FRMD6: variants seen among roughly 807,000 people sequenced by gnomAD.
FRMD6 encodes FERM domain-containing protein 6.
In FRMD6, 37 loss-of-function variants were observed where a neutral mutation model predicts 73.2. That is an observed-to-expected ratio of 0.51 (90% CI 0.39 to 0.66). The LOEUF (loss-of-function observed/expected upper bound fraction) is 0.66, where lower values mean the gene tolerates loss of function less well. FRMD6 is among the 30% of genes least tolerant of loss of function. FRMD6 has a pLI of 0.00. For synonymous variants in FRMD6, 273 were observed against 282.2 expected (o/e 0.97, Z 0.33); for missense variants, 714 against 780.5 (o/e 0.91, Z 1.02).
At chr14:51,409,442 T>C in the FRMD6 span, among the ~76,000 whole-genome samples, 22 of 151,624 alleles carry the variant, frequency 1.5e-4, no homozygotes, top group Non-Finnish European at 7.4e-5. Flanking sequence ...TCAGGATTTT[T>C]AGTTGTTTCC....
At chr14:51,478,061 A>G in the FRMD6 span, among the ~76,000 whole-genome samples, 1 of 152,160 alleles carries the variant, frequency 6.6e-6, no homozygotes, top group East Asian at 1.9e-4. Context: ...AGCATGTTAT[A>G]TGACATGTTA....
At chr14:51,700,080 T>G (rs1436491875) in intron 3 of FRMD6, among the ~76,000 whole-genome samples, 1 of 151,888 alleles carries the variant, frequency 6.6e-6, no homozygotes, top group Non-Finnish European at 1.5e-5. Flanking sequence ...CAGCTTGGAG[T>G]CAAAGTGTAG....
chr14:51,715,991 G>C (rs1157587424), intron 10 of FRMD6, among the ~76,000 whole-genome samples: 2 of 152,184 alleles, frequency 1.3e-5, no homozygotes, highest in East Asian at 3.9e-4. Flanking sequence ...TGACGGCTGG[G>C]AGGCCCCCAA....
At position 51,698,148 on chromosome 14, in the gene FRMD6, A is replaced by G; in HGVS notation, c.106A>G (p.Ile36Val). Reference protein sequence around the residue: ...ESLNIIINVKILCHQLLVQVC... With the variant: ...ESLNIIINVKVLCHQLLVQVC... ...GTGCCTTTTTCCCCTACAGGTTAAGATTCTGTGTCACCAGTTGCTGGTCCA... is the reference window on the plus strand; with the variant it reads ...GTGCCTTTTTCCCCTACAGGTTAAGGTTCTGTGTCACCAGTTGCTGGTCCA... Residue 36 changes from isoleucine to valine, a missense_variant, in exon 3 of 14, where the codon ATT (isoleucine) becomes GTT (valine). Coordinates refer to ENST00000344768, the MANE Select transcript of FRMD6 (RefSeq NM_001267046.2). 1 of 1,611,812 alleles carries G rather than the reference A, an allele frequency of 6.2e-7. No homozygotes were observed. Among genetic ancestry groups the G allele is most frequent in the Middle Eastern group, 1.7e-4 (1 of 6,042 alleles).
At chr14:51,455,186 G>A in the FRMD6 span, among the ~76,000 whole-genome samples, 1 of 152,162 alleles carries the variant, frequency 6.6e-6, no homozygotes, top group South Asian at 2.1e-4. Flanking sequence ...TAAATGCACC[G>A]GGAATCCCAA....
intron 1 of FRMD6, among the ~76,000 whole-genome samples, chr14:51,668,521 G>T (rs1036382341): frequency 5.3e-5 from 8 of 152,016 alleles, no homozygotes. Context: ...GGCCGGGCTG[G>T]TCTTGAACCC....
chr14:51,500,053 G>A (rs552796678), intron 1 of FRMD6, among the ~76,000 whole-genome samples: 2 of 152,290 alleles, frequency 1.3e-5, no homozygotes, highest in East Asian at 1.9e-4. Flanking sequence ...ACGATTTTGC[G>A]AAGGTGCCAA....
At chr14:51,662,286 A>G (rs1435864739) in intron 1 of FRMD6, among the ~76,000 whole-genome samples, 1 of 152,192 alleles carries the variant, frequency 6.6e-6, no homozygotes, top group East Asian at 1.9e-4. Flanking sequence ...TCTTTACAGA[A>G]CTAGAAAAAA....
rs7140270 is a variant in FRMD6 at position 51,656,746 on chromosome 14, G to A, written c.-147+4750G>A. 8.1e-3 allele frequency among the ~76,000 whole-genome samples: 1,236 copies of A among 152,252 alleles called. 19 individuals carry two copies. The highest frequency in any genetic ancestry group is 0.028 in the African/African-American group (1,179 of 41,560). ...TTTTCTTGAATGTCTTTCCCCAGCT[G>A]TATGGTCTTGTCTTAGCAGAGTTAA... is the stretch of plus-strand genomic sequence containing the variant. On this transcript the variant is annotated intron_variant, in intron 1 of 13. Coordinates refer to ENST00000344768, the MANE Select transcript of FRMD6 (RefSeq NM_001267046.2).
At chr14:51,435,216 C>T in the FRMD6 span, among the ~76,000 whole-genome samples, 2 of 152,156 alleles carry the variant, frequency 1.3e-5, no homozygotes, top group East Asian at 3.9e-4. Flanking sequence ...GTCAAGAAAA[C>T]TGGGTAAAGC....
chr14:51,484,896 A>G (rs1156324183), upstream of FRMD6, among the ~76,000 whole-genome samples: 2 of 152,182 alleles, frequency 1.3e-5, no homozygotes, highest in Non-Finnish European at 2.9e-5. Flanking sequence ...TTTGGTTGAC[A>G]TTAGTTGAAC....
At chr14:51,541,050 A>G (rs2139370593) in intron 1 of FRMD6, among the ~76,000 whole-genome samples, 1 of 152,248 alleles carries the variant, frequency 6.6e-6, no homozygotes, top group Admixed American at 6.5e-5. Flanking sequence ...TTACAACTTG[A>G]GTCCCTTCTT....
In FRMD6 at chr14:51,639,115, CCTTT is replaced by C. The variant is rs1357303656; in HGVS notation, c.-146-50575_-146-50572del. 3.3e-5 allele frequency among the ~76,000 whole-genome samples: 5 copies of C among 151,766 alleles called. No individual in the cohort carries two copies. The East Asian group carries it at 7.7e-4, about 23-fold the overall frequency. On this transcript the variant is annotated intron_variant, in intron 2 of 14. Coordinates refer to the FRMD6 transcript ENST00000356218. ...TTTTTTGCCACAGGACTTTTCTTTT[CCTTT>C]GTTTTTTAAAAAATTATTTACATAC...
intron 1 of FRMD6, among the ~76,000 whole-genome samples, chr14:51,652,429 C>T (rs1260966026): frequency 6.6e-6 from 1 of 152,202 alleles, no homozygotes; most frequent in Non-Finnish European, 1.5e-5. Context: ...GATCACAGGG[C>T]TCCCTGGCGG....
intron 2 of FRMD6, among the ~76,000 whole-genome samples, chr14:51,695,769 A>G (rs895125578): frequency 1.3e-5 from 2 of 152,152 alleles, no homozygotes; most frequent in African/African-American, 2.4e-5. Context: ...TTGGTCTTAA[A>G]TATCTTCTGC....
At position 51,694,982 on chromosome 14, in the gene FRMD6, G is replaced by A. The variant is rs182586715; in HGVS notation, c.100-3160G>A. Among the ~76,000 whole-genome samples the A allele has an allele frequency of 1.3e-3, 198 of 148,718 alleles. 6 individuals are homozygous for A. The East Asian group carries it at 0.014, about 10-fold the overall frequency. On this transcript the variant is annotated intron_variant, in intron 2 of 13. Transcript: ENST00000344768. ...TGATATTTGTTAAAGAGCTTTACCA[G>A]TAGGCTTCAAATACTTGATTTAAAC...
chr14:51,573,576 A>G (rs940666276), intron 2 of FRMD6, among the ~76,000 whole-genome samples: 2 of 152,184 alleles, frequency 1.3e-5, no homozygotes, highest in East Asian at 1.9e-4. Flanking sequence ...AAGGAATCCT[A>G]CATTAGGCTG....
intron 10 of FRMD6, among the ~76,000 whole-genome samples, chr14:51,716,330 G>A (rs1013676500): frequency 6.6e-6 from 1 of 151,344 alleles, no homozygotes; most frequent in South Asian, 2.1e-4. Context: ...TTTTGTTTAT[G>A]CTTTCAAAGA....
chr14:51,436,312 A>C, the FRMD6 span: 1 of 381,508 alleles, frequency 2.6e-6, no homozygotes, highest in Admixed American at 3.4e-5. Flanking sequence ...AAAATCCCAG[A>C]TTTTTGGGTA....
Sources: gnomAD v4.1 joint callset for allele counts (sites outside exome capture counted in the v4.1 genomes callset) on GRCh38, gnomAD v4.1.1 for gene constraint, MANE v1.5 for transcripts, NCBI Gene and HGNC (gene_info 2026-07-23, HGNC 2026-07-21) for gene names.